The following SORCS1 variants were observed in gnomAD, a reference collection of about 807,000 sequenced individuals.
SORCS1 encodes the protein sortilin related VPS10 domain containing receptor 1, also known as VPS10 domain-containing receptor SorCS1.
SORCS1 carries 60 observed loss-of-function variants against 146.1 expected under a neutral mutation model. The ratio of observed to expected loss-of-function variants is 0.41; its 90% CI spans 0.33 to 0.51. The LOEUF (loss-of-function observed/expected upper bound fraction) is 0.51. SORCS1 is among the 20% of genes least tolerant of loss of function. The probability of loss-of-function intolerance (pLI) is 0.21; values close to 1 mark genes in which losing one functional copy is unlikely to be tolerated. For synonymous variants in SORCS1, 637 were observed against 584.0 expected, an observed-to-expected ratio of 1.09 and a Z score of -1.31; for missense variants, 1,352 against 1,487.6, an observed-to-expected ratio of 0.91 and a Z score of 1.50.
chr10:106,975,661 A>G (rs1361136401), intron 1 of SORCS1, among the ~76,000 whole-genome samples: 1 of 152,212 alleles, frequency 6.6e-6, no homozygotes, highest in East Asian at 1.9e-4. Flanking sequence ...TCCCTTGCCT[A>G]CAGGATTAAC....
At chr10:106,893,569 A>G (rs1951321330) in intron 2 of SORCS1, among the ~76,000 whole-genome samples, 1 of 152,222 alleles carries the variant, frequency 6.6e-6, no homozygotes, top group African/African-American at 2.4e-5. Context: ...TTACACACCG[A>G]AAATTATAAA....
intron 1 of SORCS1, among the ~76,000 whole-genome samples, chr10:106,999,190 A>G (rs1261474751): frequency 6.6e-6 from 1 of 152,172 alleles, no homozygotes; most frequent in Non-Finnish European, 1.5e-5. Flanking sequence ...AAACATACAC[A>G]CACGAACATA....
At chr10:107,172,526 T>C in the SORCS1 span, among the ~76,000 whole-genome samples, 1 of 152,222 alleles carries the variant, frequency 6.6e-6, no homozygotes, top group South Asian at 2.1e-4. Flanking sequence ...TTGTACTTTT[T>C]TAATTCTCAT....
rs1846680963 is a variant in SORCS1 at position 106,607,431 on chromosome 10, C to G, written c.3034-134G>C. 4 of 1,217,058 alleles carry G rather than the reference C, an allele frequency of 3.3e-6. No homozygotes were observed. In the Admixed American group the frequency reaches 1.1e-4, roughly 32 times the overall value. The allele number at this position is 1,217,058 out of a possible 1,614,324, so 75.4% of individuals were successfully genotyped here. The stretch of plus-strand genomic sequence containing the variant: ...CCTGAAAGCAGAGGCCTGGGCATAT[C>G]AGGCAGGGAGTATGTGAGAGACAGC... On this transcript the variant is annotated intron_variant, in intron 22 of 25. Coordinates refer to ENST00000263054, the MANE Select transcript of SORCS1 (RefSeq NM_052918.5).
At chr10:106,999,944 G>C (rs934276191) in intron 1 of SORCS1, among the ~76,000 whole-genome samples, 62 of 152,050 alleles carry the variant, frequency 4.1e-4, no homozygotes, top group African/African-American at 1.4e-3. Flanking sequence ...AATCTCAGCA[G>C]ATGTCAGCTG....
chr10:107,021,057 G>C (rs1958106348), intron 1 of SORCS1, among the ~76,000 whole-genome samples: 1 of 152,012 alleles, frequency 6.6e-6, no homozygotes, highest in Non-Finnish European at 1.5e-5. Flanking sequence ...TGCATACAAA[G>C]AGACAGGCAT....
intron 1 of SORCS1, among the ~76,000 whole-genome samples, chr10:106,996,531 C>T (rs1247681126): frequency 6.6e-6 from 1 of 152,132 alleles, no homozygotes; most frequent in East Asian, 1.9e-4. Flanking sequence ...CCCCTAGGAT[C>T]CTTAGAAATC....
chr10:107,129,269 T>A (rs973228769), intron 1 of SORCS1, among the ~76,000 whole-genome samples: 10 of 152,206 alleles, frequency 6.6e-5, no homozygotes, highest in African/African-American at 2.4e-4. Context: ...GAGAATCTCT[T>A]GGAGGCTGAC....
chr10:106,930,283 A>T (rs563333390), intron 2 of SORCS1, among the ~76,000 whole-genome samples: 1 of 143,790 alleles, frequency 7.0e-6, no homozygotes, highest in Non-Finnish European at 1.5e-5. Context: ...CTCTGTCTCT[A>T]AAAAAAAAAA....
chr10:106,831,868 A>G (rs1321814820), intron 2 of SORCS1, among the ~76,000 whole-genome samples: 2 of 152,216 alleles, frequency 1.3e-5, no homozygotes, highest in Non-Finnish European at 2.9e-5. Flanking sequence ...GTAAGTTTAG[A>G]AAACAAAATT....
At chr10:107,169,059 C>G (rs993006838), upstream of SORCS1, among the ~76,000 whole-genome samples, 6 of 152,128 alleles carry the variant, frequency 3.9e-5, no homozygotes, top group African/African-American at 1.4e-4. Context: ...TATAACCACT[C>G]CCCACATAAT....
At chr10:106,976,122 G>A (rs2139277269) in intron 1 of SORCS1, among the ~76,000 whole-genome samples, 1 of 134,488 alleles carries the variant, frequency 7.4e-6, no homozygotes, top group African/African-American at 2.7e-5. Flanking sequence ...CTCCAGCCTG[G>A]ACTCTGTCTC....
chr10:106,804,362 A>ATAAAG (rs1947060587), intron 3 of SORCS1, among the ~76,000 whole-genome samples: 1 of 132,112 alleles, frequency 7.6e-6, no homozygotes, highest in African/African-American at 2.8e-5. Context: ...ATAAAATAAA[A>ATAAAG]TAAAATAAAA....
At chr10:106,792,989 T>A (rs545479985) in intron 3 of SORCS1, among the ~76,000 whole-genome samples, 90 of 152,314 alleles carry the variant, frequency 5.9e-4, no homozygotes, top group East Asian at 1.5e-3. Context: ...TCATTTTTTT[T>A]AAAATCTAAT....
At chr10:106,984,201 C>T (rs993905173) in intron 1 of SORCS1, among the ~76,000 whole-genome samples, 5 of 152,084 alleles carry the variant, frequency 3.3e-5, no homozygotes, top group African/African-American at 1.2e-4. Flanking sequence ...ATCAGAAAGT[C>T]GGATTTTAGG....
intron 2 of SORCS1, among the ~76,000 whole-genome samples, chr10:106,892,742 CT>C (rs1951283558): frequency 1.3e-5 from 2 of 152,264 alleles, no homozygotes; most frequent in East Asian, 3.9e-4. Context: ...AGCCCTCTAA[CT>C]TCTACATGTC....
chr10:106,579,159 T>C lies in SORCS1; in HGVS notation c.3371+210A>G, dbSNP rs11192966. The C allele has an allele frequency of 0.021, 33,237 of 1,614,072 alleles. 2,201 individuals carry two copies. In the East Asian group the frequency reaches 0.25, roughly 12 times the overall value. On this transcript the variant is annotated intron_variant, in intron 25 of 25. Coordinates refer to ENST00000263054, the MANE Select transcript of SORCS1 (RefSeq NM_052918.5). ...CCTCCTTAGTTCAGTCTGAGGGACA[T>C]TGGGCCTGCTTTCAGAGTGACTGAC... is the stretch of plus-strand genomic sequence containing the variant.
At chr10:107,072,191 G>A (rs1158382108) in intron 1 of SORCS1, among the ~76,000 whole-genome samples, 1 of 152,190 alleles carries the variant, frequency 6.6e-6, no homozygotes, top group East Asian at 1.9e-4. Context: ...CTCCAACCCT[G>A]CAGTCTTCCT....
intron 3 of SORCS1, among the ~76,000 whole-genome samples, chr10:106,786,788 A>G (rs1423493498): frequency 6.6e-6 from 1 of 152,222 alleles, no homozygotes; most frequent in Non-Finnish European, 1.5e-5. Flanking sequence ...AAAAGTTGTA[A>G]TTATTATATT....
Sources: allele counts gnomAD v4.1 joint callset (sites outside exome capture counted in the v4.1 genomes callset), GRCh38; gene constraint gnomAD v4.1.1; transcripts MANE v1.5; gene names NCBI Gene and HGNC (gene_info 2026-07-23, HGNC 2026-07-21).